Variants in KCNJ6 observed in about 807,000 individuals in gnomAD.
The protein encoded by KCNJ6 is G protein-activated inward rectifier potassium channel 2.
KCNJ6 carries 9 observed loss-of-function variants against 34.2 expected under a neutral mutation model. The ratio of observed to expected loss-of-function variants is 0.26; its 90% CI spans 0.16 to 0.46. The LOEUF is 0.46. KCNJ6 is among the 20% of genes least tolerant of loss of function. The pLI, the probability that KCNJ6 is intolerant of heterozygous loss-of-function variation, is 1.00. For missense variants in KCNJ6, 236 were observed against 531.3 expected, an observed-to-expected ratio of 0.44 and a Z score of 5.46; for synonymous variants, 196 against 207.1, an observed-to-expected ratio of 0.95 and a Z score of 0.46.
At chr21:37,907,621 T>C (rs2055847929) in intron 1 of KCNJ6, among the ~76,000 whole-genome samples, 3 of 152,190 alleles carry the variant, frequency 2.0e-5, no homozygotes, top group Admixed American at 2.0e-4. Flanking sequence ...CTACTGAAAA[T>C]GCTTTCTTAT....
chr21:37,854,550 A>G (rs1235792170), intron 1 of KCNJ6, among the ~76,000 whole-genome samples: 1 of 152,216 alleles, frequency 6.6e-6, no homozygotes, highest in Non-Finnish European at 1.5e-5. Flanking sequence ...ATTTAGATAG[A>G]AAGAATAAGC....
At chr21:37,850,892 G>T (rs1300473777) in intron 1 of KCNJ6, among the ~76,000 whole-genome samples, 1 of 152,166 alleles carries the variant, frequency 6.6e-6, no homozygotes, top group East Asian at 1.9e-4. Context: ...TTAGGGTTAT[G>T]CATGCTGCTG....
intron 3 of KCNJ6, among the ~76,000 whole-genome samples, chr21:37,630,157 TG>T (rs765409299): frequency 2.0e-5 from 3 of 149,382 alleles, no homozygotes; most frequent in East Asian, 2.0e-4. Context: ...TGTGTGTGTG[TG>T]GTGTTTATGT....
chr21:37,726,606 G>GTA (rs755334056), intron 2 of KCNJ6, among the ~76,000 whole-genome samples: 1 of 152,184 alleles, frequency 6.6e-6, no homozygotes, highest in Non-Finnish European at 1.5e-5. Context: ...GAATGTGTGT[G>GTA]TATGTGTGTG....
intron 1 of KCNJ6, among the ~76,000 whole-genome samples, chr21:37,902,247 T>C (rs2055820357): frequency 6.6e-6 from 1 of 152,252 alleles, no homozygotes; most frequent in African/African-American, 2.4e-5. Flanking sequence ...GTTACTTCCC[T>C]TGTCCCATCT....
intron 2 of KCNJ6, among the ~76,000 whole-genome samples, chr21:37,777,675 A>G (rs963963204): frequency 2.0e-5 from 3 of 152,198 alleles, no homozygotes; most frequent in African/African-American, 7.2e-5. Context: ...CAAAGAATAA[A>G]GTGGAGTTAT....
intron 2 of KCNJ6, among the ~76,000 whole-genome samples, chr21:37,838,847 T>C (rs1182789433): frequency 6.6e-6 from 1 of 152,236 alleles, no homozygotes; most frequent in Non-Finnish European, 1.5e-5. Context: ...TGAGAGATGA[T>C]TTGATCACGG....
chr21:37,711,317 G>A (rs541297724), intron 3 of KCNJ6, among the ~76,000 whole-genome samples: 5 of 152,352 alleles, frequency 3.3e-5, no homozygotes, highest in African/African-American at 7.2e-5. Context: ...TGCCCAGGAT[G>A]CCTGCTTCCT....
At chr21:37,761,662 G>GTGTC (rs2100110535) in intron 2 of KCNJ6, among the ~76,000 whole-genome samples, 1 of 149,108 alleles carries the variant, frequency 6.7e-6, no homozygotes, top group African/African-American at 2.5e-5. Context: ...TTTGTGTGTT[G>GTGTC]TATGTAGTTT....
chr21:37,827,457 G>T (rs573954588), intron 2 of KCNJ6, among the ~76,000 whole-genome samples: 3 of 151,698 alleles, frequency 2.0e-5, no homozygotes, highest in African/African-American at 4.8e-5. Context: ...AGTAGAAATC[G>T]ATCAACAAGA....
chr21:37,665,124 T>C (rs190040368), intron 3 of KCNJ6, among the ~76,000 whole-genome samples: 9 of 152,256 alleles, frequency 5.9e-5, no homozygotes, highest in East Asian at 1.9e-4. Context: ...CTTGGTTTAG[T>C]CATTTGCCAA....
intron 2 of KCNJ6, among the ~76,000 whole-genome samples, chr21:37,833,533 T>G (rs1039181611): frequency 3.3e-5 from 5 of 152,184 alleles, no homozygotes; most frequent in African/African-American, 1.2e-4. Flanking sequence ...CCATGTGCTC[T>G]TCCCCACCAT....
intron 2 of KCNJ6, among the ~76,000 whole-genome samples, chr21:37,796,132 C>A (rs1010176707): frequency 6.6e-6 from 1 of 152,052 alleles, no homozygotes. Flanking sequence ...TTGCCGTAGC[C>A]CGTGGTTGCA....
intron 1 of KCNJ6, among the ~76,000 whole-genome samples, 157 bp from the exon 2 acceptor site, chr21:37,840,866 A>G (rs922831437): frequency 6.6e-6 from 1 of 152,194 alleles, no homozygotes; most frequent in Admixed American, 6.5e-5. Context: ...TGACAGTTAT[A>G]TTATCAGTCA....
At chr21:37,715,621 G>C (rs747061255) in intron 2 of KCNJ6, among the ~76,000 whole-genome samples, 1 of 152,236 alleles carries the variant, frequency 6.6e-6, no homozygotes, top group South Asian at 2.1e-4. Flanking sequence ...AACCCCTAAG[G>C]TGACAGTATT....
At chr21:37,657,285 AACCT>A in intron 3 of KCNJ6, among the ~76,000 whole-genome samples, 1 of 152,254 alleles carries the variant, frequency 6.6e-6, no homozygotes, top group South Asian at 2.1e-4. Context: ...GGTTGGGGTG[AACCT>A]ACACACGTCA....
At chr21:37,802,123 T>C (rs1427437348) in intron 2 of KCNJ6, among the ~76,000 whole-genome samples, 3 of 152,164 alleles carry the variant, frequency 2.0e-5, no homozygotes, top group South Asian at 4.1e-4. Context: ...ATGAGAAGGA[T>C]ATAGCATGGC....
At chr21:37,798,475 C>CCCATACACAAAT (rs56122557) in intron 2 of KCNJ6, among the ~76,000 whole-genome samples, 67,367 of 151,842 alleles carry the variant, frequency 0.44, 16,306 homozygotes, top group Non-Finnish European at 0.52. Flanking sequence ...CACACAAAAA[C>CCCATACACAAAT]GTCCAAGGCA....
intron 2 of KCNJ6, among the ~76,000 whole-genome samples, chr21:37,827,698 C>G (rs2055405524): frequency 6.6e-6 from 1 of 151,994 alleles, no homozygotes; most frequent in East Asian, 1.9e-4. Flanking sequence ...TGATATGGGA[C>G]AGTTGCTATG....
Sources: gnomAD v4.1 joint callset for allele counts (sites outside exome capture counted in the v4.1 genomes callset) on GRCh38, gnomAD v4.1.1 for gene constraint, MANE v1.5 for transcripts, NCBI Gene and HGNC (gene_info 2026-07-23, HGNC 2026-07-21) for gene names.